The following FAM163A variants were observed in gnomAD, a reference collection of about 807,000 sequenced individuals.
The protein encoded by FAM163A is protein FAM163A.
Under a neutral mutation model 12.0 loss-of-function variants are expected in FAM163A, and 7 were observed. That is an observed-to-expected ratio of 0.58 (90% confidence interval 0.33 to 1.10). The LOEUF is 1.10. Ranked by LOEUF, FAM163A falls within the 50% of genes least tolerant of loss-of-function variation. FAM163A has a pLI of 0.03. For missense variants in FAM163A, 202 were observed against 218.6 expected (o/e 0.92, Z 0.48); for synonymous variants, 101 against 91.0 (o/e 1.11, Z -0.62).
At chr1:179,757,531 G>T (rs1170623872) in intron 1 of FAM163A, among the ~76,000 whole-genome samples, 5 of 152,204 alleles carry the variant, frequency 3.3e-5, no homozygotes, top group African/African-American at 1.2e-4. Flanking sequence ...AAGAGGATTG[G>T]CTGGGTGCAG....
rs3075152 is a variant in FAM163A, at chr1:179,792,283, T to TTGTGTGTGTGTG, written c.-135-15482_-135-15471dup. Among the ~76,000 whole-genome samples, 199 of 133,652 alleles carry TTGTGTGTGTGTG rather than the reference T, an allele frequency of 1.5e-3. 1 individual carries two copies. Among genetic ancestry groups the TTGTGTGTGTGTG allele is most frequent in the African/African-American group, 4.4e-3 (155 of 35,198 alleles). 87.7% of individuals were successfully genotyped at this position (133,652 alleles called of 152,430 possible). A position where few individuals can be genotyped will look rare whatever the true frequency, so the allele number is the denominator to read the frequency against. ...TACAGACACATGCCACCATATCTGATTGTGTGTGTGTGTGTGTGTGTGTGT... is the reference window on the plus strand; with the variant it reads ...TACAGACACATGCCACCATATCTGATTGTGTGTGTGTGTGTGTGTGTGTGTGTGTGTGTGTGT... On this transcript the variant is annotated intron_variant, in intron 1 of 4. Transcript: ENST00000341785.
chr1:179,793,223 G>A (rs546897246), intron 1 of FAM163A, among the ~76,000 whole-genome samples: 92 of 151,998 alleles, frequency 6.1e-4, no homozygotes, highest in Middle Eastern at 3.4e-3. Context: ...GTGTTCCCAC[G>A]CCCTCTCTGG....
chr1:179,811,295 C>A (rs1013747323), intron 2 of FAM163A, among the ~76,000 whole-genome samples: 5 of 152,062 alleles, frequency 3.3e-5, no homozygotes, highest in African/African-American at 1.2e-4. Context: ...TACTCAGAGA[C>A]AAAACTGGGA....
At chr1:179,731,277 T>C in the FAM163A span, among the ~76,000 whole-genome samples, 1 of 152,314 alleles carries the variant, frequency 6.6e-6, no homozygotes, top group African/African-American at 2.4e-5. Context: ...TATAGATTTA[T>C]GAGGTAATAT....
At chr1:179,787,147 G>A (rs914465443) in intron 1 of FAM163A, among the ~76,000 whole-genome samples, 10 of 152,240 alleles carry the variant, frequency 6.6e-5, no homozygotes, top group Admixed American at 2.0e-4. Context: ...CATGGAACAA[G>A]TGGTATCAGA....
At chr1:179,773,052 A>T (rs1688482048) in intron 1 of FAM163A, among the ~76,000 whole-genome samples, 1 of 149,896 alleles carries the variant, frequency 6.7e-6, no homozygotes, top group South Asian at 2.2e-4. Flanking sequence ...AGGGAAGCTG[A>T]GAAGTAGTTT....
intron 1 of FAM163A, among the ~76,000 whole-genome samples, chr1:179,777,950 C>T (rs570173836): frequency 2.1e-4 from 32 of 152,324 alleles, no homozygotes; most frequent in African/African-American, 3.1e-4. Flanking sequence ...ATCCTCCCTG[C>T]GATCTTCATT....
intron 1 of FAM163A, among the ~76,000 whole-genome samples, chr1:179,781,555 A>G (rs902844174): frequency 2.6e-5 from 4 of 151,992 alleles, no homozygotes; most frequent in Admixed American, 6.6e-5. Flanking sequence ...GGGCAAGTGT[A>G]CCTTTACTTG....
At chr1:179,743,858 C>T (rs1161537929) in intron 1 of FAM163A, among the ~76,000 whole-genome samples, 2 of 152,156 alleles carry the variant, frequency 1.3e-5, no homozygotes, top group African/African-American at 2.4e-5. Flanking sequence ...GGCCGGACCT[C>T]ACGCGGACGC....
the FAM163A span, among the ~76,000 whole-genome samples, chr1:179,727,914 T>C: frequency 6.6e-6 from 1 of 151,778 alleles, no homozygotes; most frequent in South Asian, 2.1e-4. Flanking sequence ...CTACTATTAA[T>C]AGATTTGCCA....
chr1:179,757,609 C>G (rs760925539), intron 1 of FAM163A, among the ~76,000 whole-genome samples: 2 of 152,000 alleles, frequency 1.3e-5, no homozygotes, highest in South Asian at 4.1e-4. Flanking sequence ...CCCAGGAGTT[C>G]GAGACCAGAC....
At chr1:179,743,902 C>A (rs998063472) in intron 1 of FAM163A, among the ~76,000 whole-genome samples, 2 of 152,134 alleles carry the variant, frequency 1.3e-5, no homozygotes, top group Non-Finnish European at 2.9e-5. Context: ...CCCGCCGCCA[C>A]CCGGGGAGCA....
intron 1 of FAM163A, among the ~76,000 whole-genome samples, chr1:179,747,521 A>G (rs966100636): frequency 7.2e-5 from 11 of 152,240 alleles, no homozygotes; most frequent in Non-Finnish European, 1.3e-4. Context: ...CATTAGGTGG[A>G]AAGCCTTCAT....
intron 1 of FAM163A, among the ~76,000 whole-genome samples, chr1:179,793,363 C>T (rs1478680534): frequency 6.6e-6 from 1 of 152,184 alleles, no homozygotes; most frequent in African/African-American, 2.4e-5. Context: ...TTATACTTTC[C>T]AAAATTCTAA....
At chr1:179,782,987 C>G (rs907591622) in intron 1 of FAM163A, among the ~76,000 whole-genome samples, 7 of 151,970 alleles carry the variant, frequency 4.6e-5, no homozygotes, top group Non-Finnish European at 1.0e-4. Flanking sequence ...AAAATTAGCC[C>G]GGTGTGGTGG....
chr1:179,783,705 C>A (rs552109805), intron 1 of FAM163A, among the ~76,000 whole-genome samples: 1 of 111,324 alleles, frequency 9.0e-6, no homozygotes, highest in East Asian at 2.2e-4. Flanking sequence ...ACACTTGGCA[C>A]TTTTTTATAC....
At chr1:179,813,745 A>G (rs751534575) in intron 4 of FAM163A, 34 bp from the exon 5 acceptor site, 16 of 1,611,490 alleles carry the variant, frequency 9.9e-6, no homozygotes, top group African/African-American at 1.3e-5. Context: ...GGGAGCATTC[A>G]CCCTCTCAGG....
chr1:179,728,619 G>A, the FAM163A span, among the ~76,000 whole-genome samples: 4 of 152,164 alleles, frequency 2.6e-5, no homozygotes, highest in Non-Finnish European at 5.9e-5. Flanking sequence ...GATAATTTGG[G>A]AGGGTTGATG....
the FAM163A span, among the ~76,000 whole-genome samples, chr1:179,737,606 C>T: frequency 1.3e-4 from 20 of 152,090 alleles, no homozygotes; most frequent in Non-Finnish European, 1.8e-4. Context: ...GAGGCCGAGG[C>T]GGGCAGATCA....
Sources: allele counts gnomAD v4.1 joint callset (sites outside exome capture counted in the v4.1 genomes callset), GRCh38; gene constraint gnomAD v4.1.1; transcripts MANE v1.5; gene names NCBI Gene and HGNC (gene_info 2026-07-23, HGNC 2026-07-21).